The following MND1 variants were observed in gnomAD, a reference collection of about 807,000 sequenced individuals.
MND1 encodes the protein meiotic nuclear divisions 1, also known as meiotic nuclear division protein 1 homolog.
A neutral mutation model predicts 35.1 loss-of-function variants in MND1; 28 were observed. The ratio of observed to expected loss-of-function variants is 0.80; its 90% CI spans 0.59 to 1.09. The LOEUF (loss-of-function observed/expected upper bound fraction) is 1.09. Ranked by LOEUF, MND1 falls within the 50% of genes least tolerant of loss-of-function variation. The pLI is 0.00. For missense variants in MND1, 213 were observed against 239.6 expected, an observed-to-expected ratio of 0.89 and a Z score of 0.73; for synonymous variants, 69 against 70.5, an observed-to-expected ratio of 0.98 and a Z score of 0.11.
intron 4 of MND1, among the ~76,000 whole-genome samples, chr4:153,373,033 T>C (rs1403850848): frequency 6.6e-6 from 1 of 151,946 alleles, no homozygotes; most frequent in Non-Finnish European, 1.5e-5. Context: ...TTTTTTTTAA[T>C]AGTAGCATGG....
intron 4 of MND1, among the ~76,000 whole-genome samples, chr4:153,359,779 C>CTTTTTTTTTTTTTTTTTTTTTTTTTTT (rs34112305): frequency 1.6e-5 from 1 of 62,160 alleles, no homozygotes; most frequent in Admixed American, 2.1e-4. Context: ...TTTGGAAGAT[C>CTTTTTTTTTTTTTTTTTTTTTTTTTTT]TTTTTTTTTT....
At chr4:153,354,323 A>G (rs1326232328) in intron 2 of MND1, among the ~76,000 whole-genome samples, 2 of 152,208 alleles carry the variant, frequency 1.3e-5, no homozygotes, top group Non-Finnish European at 2.9e-5. Context: ...ATGTAAACAA[A>G]TTTTGACAGT....
chr4:153,384,830 T>C (rs933926949), intron 4 of MND1, among the ~76,000 whole-genome samples: 1 of 152,212 alleles, frequency 6.6e-6, no homozygotes, highest in Non-Finnish European at 1.5e-5. Context: ...TTAGGATTTC[T>C]GGACTACATT....
At chr4:153,376,719 G>A (rs1481395993) in intron 4 of MND1, among the ~76,000 whole-genome samples, 1 of 152,044 alleles carries the variant, frequency 6.6e-6, no homozygotes, top group Admixed American at 6.5e-5. Context: ...TTGTACCCCT[G>A]TCCGTCCCTT....
At chr4:153,363,870 T>C (rs763761092) in intron 4 of MND1, among the ~76,000 whole-genome samples, 2 of 152,160 alleles carry the variant, frequency 1.3e-5, no homozygotes, top group Non-Finnish European at 2.9e-5. Flanking sequence ...GCGGCTATTG[T>C]AATTGCATGG....
intron 5 of MND1, 115 bp downstream of exon 5, chr4:153,394,451 C>A: frequency 5.5e-6 from 4 of 728,914 alleles, no homozygotes; most frequent in South Asian, 5.3e-5. Context: ...GGGATCATAG[C>A]CAAGGATAGG....
At chr4:153,376,524 A>G (rs1728515020) in intron 4 of MND1, among the ~76,000 whole-genome samples, 1 of 152,178 alleles carries the variant, frequency 6.6e-6, no homozygotes, top group Non-Finnish European at 1.5e-5. Flanking sequence ...GTTAGTGGAC[A>G]TAGCATGGGG....
chr4:153,409,057 C>A, intron 7 of MND1, 42 bp downstream of exon 7: 2 of 1,195,498 alleles, frequency 1.7e-6, no homozygotes, highest in South Asian at 2.4e-5. Flanking sequence ...GCTAAATTCC[C>A]TTCACACTTA....
chr4:153,355,772 T>G (rs762396245), intron 3 of MND1, 61 bp downstream of exon 3: 33 of 1,038,578 alleles, frequency 3.2e-5, no homozygotes, highest in Non-Finnish European at 4.4e-5. Flanking sequence ...TTGGGAAATA[T>G]CTTAATATTC....
chr4:153,344,880 C>CGGT, intron 1 of MND1, 140 bp downstream of exon 1: 1 of 1,406,712 alleles, frequency 7.1e-7, no homozygotes, highest in South Asian at 1.4e-5. Flanking sequence ...CTCGGCCTCA[C>CGGT]CGTGTAGGGG....
Position 153,407,979 on chromosome 4 carries a change from A to C in MND1, c.467-992A>C, listed in dbSNP as rs547820817. ...ATGGTTGTACAATTTTGTGACTATC[A>C]TAAAAACCACTGAAAGCCAGGCATG... On this transcript the variant is annotated intron_variant, in intron 6 of 7. Transcript: ENST00000240488. Among the ~76,000 whole-genome samples the C allele has an allele frequency of 5.0e-4, 76 of 152,322 alleles. 2 individuals carry two copies. Among genetic ancestry groups the C allele is most frequent in the African/African-American group, 1.8e-3 (75 of 41,574 alleles).
In MND1 at chr4:153,358,601, G is replaced by A. The variant is rs533191042; in HGVS notation, c.255G>A (p.Lys85=). 1 of 1,612,738 alleles carries A rather than the reference G, an allele frequency of 6.2e-7. No individual in the cohort carries two copies. Among genetic ancestry groups the A allele is most frequent in the East Asian group, 2.2e-5 (1 of 44,760 alleles). ...AAGCTCTTCATGCAAGGAAACATAA[G>A]TTGGAGGTTCTGGAATCTCAGGTAA... is the stretch of plus-strand genomic sequence containing the variant. The part of the protein sequence containing the change: ...PSKALHARKH[K]LEVLESQLSE... The change falls in exon 4 of 8, where the codon AAG becomes AAA. Residue 85 remains lysine (K), a synonymous_variant. Coordinates refer to ENST00000240488, the MANE Select transcript of MND1 (RefSeq NM_032117.4).
chr4:153,395,087 G>C (rs1030167823), intron 5 of MND1, among the ~76,000 whole-genome samples: 1 of 152,170 alleles, frequency 6.6e-6, no homozygotes, highest in Non-Finnish European at 1.5e-5. Flanking sequence ...CTTTACAGTG[G>C]CTTTATGCTT....
At chr4:153,407,782 C>T (rs761803026) in intron 6 of MND1, among the ~76,000 whole-genome samples, 6 of 152,136 alleles carry the variant, frequency 3.9e-5, no homozygotes, top group East Asian at 3.9e-4. Context: ...GACCACATAT[C>T]GTATGTTTCG....
chr4:153,346,841 C>G (rs968132171), intron 1 of MND1, among the ~76,000 whole-genome samples: 2 of 152,166 alleles, frequency 1.3e-5, no homozygotes, highest in Non-Finnish European at 2.9e-5. Context: ...TGTTAGGAGT[C>G]TTTCCTAACA....
rs890823208 is a variant in MND1, at chr4:153,379,810, A to G, written c.277-14452A>G. Among the ~76,000 whole-genome samples, 32 of 136,644 alleles carry G rather than the reference A, an allele frequency of 2.3e-4. 1 individual carries two copies. The highest frequency in any genetic ancestry group is 4.6e-4 in the Non-Finnish European group (30 of 65,664). The allele number at this position is 136,644 out of a possible 152,430, so 89.6% of individuals were successfully genotyped here. On this transcript the variant is annotated intron_variant, in intron 4 of 7. Coordinates refer to ENST00000240488, the MANE Select transcript of MND1 (RefSeq NM_032117.4). ...GGTTGCAGTGAGCCGAGACCACACC[A>G]CTGCACTTCAGCCTGTGCAACAGAG...
intron 4 of MND1, among the ~76,000 whole-genome samples, chr4:153,368,763 G>T (rs1373385370): frequency 6.6e-6 from 1 of 152,122 alleles, no homozygotes; most frequent in African/African-American, 2.4e-5. Context: ...ATTGTTATTT[G>T]TGGCCGAATG....
intron 1 of MND1, among the ~76,000 whole-genome samples, chr4:153,345,071 G>A (rs187613912): frequency 2.0e-5 from 3 of 152,376 alleles, no homozygotes; most frequent in East Asian, 1.9e-4. Flanking sequence ...CGTGACCCGA[G>A]AACTTCACCA....
At chr4:153,354,740 T>C (rs1646046563) in intron 2 of MND1, among the ~76,000 whole-genome samples, 1 of 152,170 alleles carries the variant, frequency 6.6e-6, no homozygotes, top group African/African-American at 2.4e-5. Flanking sequence ...CTCCAGCTCT[T>C]GAGCTCAAGC....
Sources: gnomAD v4.1 joint callset for allele counts (sites outside exome capture counted in the v4.1 genomes callset) on GRCh38, gnomAD v4.1.1 for gene constraint, MANE v1.5 for transcripts, NCBI Gene and HGNC (gene_info 2026-07-23, HGNC 2026-07-21) for gene names.